Variants in CARMIL1 observed in about 807,000 individuals in gnomAD.
CARMIL1 encodes capping protein regulator and myosin 1 linker 1, also known as F-actin-uncapping protein LRRC16A.
Under a neutral mutation model 177.1 loss-of-function variants are expected in CARMIL1, and 90 were observed. That is an observed-to-expected ratio of 0.51 (90% CI 0.43 to 0.61). CARMIL1 has a LOEUF of 0.61. Ranked by LOEUF, CARMIL1 falls within the 20% of genes least tolerant of loss-of-function variation. The pLI, the probability that CARMIL1 is intolerant of heterozygous loss-of-function variation, is 0.00. For synonymous variants in CARMIL1, 577 were observed against 606.2 expected, an observed-to-expected ratio of 0.95 and a Z score of 0.71; for missense variants, 1,380 against 1,667.0, an observed-to-expected ratio of 0.83 and a Z score of 3.00.
chr6:25,337,384 AG>A (rs35459773), intron 2 of CARMIL1, among the ~76,000 whole-genome samples: 8,366 of 152,240 alleles, frequency 0.055, 256 homozygotes, highest in Middle Eastern at 0.12. Flanking sequence ...CTGTTTCTTT[AG>A]TTGTATTACG....
intron 26 of CARMIL1, among the ~76,000 whole-genome samples, chr6:25,544,830 G>A (rs956502093): frequency 1.3e-5 from 2 of 152,090 alleles, no homozygotes; most frequent in African/African-American, 2.4e-5. Flanking sequence ...GAAAGTGAGT[G>A]TATAAGTTAG....
At chr6:25,546,669 C>CAACA (rs1562272739) in intron 26 of CARMIL1, among the ~76,000 whole-genome samples, 1 of 115,484 alleles carries the variant, frequency 8.7e-6, no homozygotes, top group Non-Finnish European at 1.8e-5. Flanking sequence ...ACAACAACAA[C>CAACA]AAAAAAAAAA....
intron 3 of CARMIL1, among the ~76,000 whole-genome samples, chr6:25,423,065 C>T (rs1224838549): frequency 6.6e-6 from 1 of 152,208 alleles, no homozygotes; most frequent in Non-Finnish European, 1.5e-5. Context: ...GGCTGGTTTT[C>T]ATGTGCCACC....
In CARMIL1 at chr6:25,396,753, T is replaced by G. The variant is rs543682421; in HGVS notation, c.139-23361T>G. 3.9e-5 allele frequency among the ~76,000 whole-genome samples: 6 copies of G among 152,194 alleles called. No homozygotes were observed. The South Asian group carries it at 1.2e-3, about 32-fold the overall frequency. ...TTGCTGTCAGTAGAAAAGTACACTT[T>G]TCTACTTCTAAAACTGCCACGGAAT... On this transcript the variant is annotated intron_variant, in intron 2 of 36. Coordinates refer to ENST00000329474, the MANE Select transcript of CARMIL1 (RefSeq NM_017640.6).
intron 2 of CARMIL1, among the ~76,000 whole-genome samples, chr6:25,390,176 A>G (rs1282307921): frequency 2.0e-5 from 3 of 151,802 alleles, no homozygotes; most frequent in Non-Finnish European, 4.4e-5. Context: ...AATATATGTT[A>G]GTAAATTTGT....
intron 8 of CARMIL1, among the ~76,000 whole-genome samples, chr6:25,460,197 G>A (rs1212145114): frequency 6.6e-6 from 1 of 152,196 alleles, no homozygotes; most frequent in African/African-American, 2.4e-5. Context: ...CAGTAGGGAG[G>A]CCCATGCAAA....
chr6:25,473,094 A>AC (rs1031110402), intron 11 of CARMIL1, among the ~76,000 whole-genome samples: 2 of 151,948 alleles, frequency 1.3e-5, no homozygotes, highest in African/African-American at 2.4e-5. Flanking sequence ...TTGCCATGTG[A>AC]CCCCCCTATC....
chr6:25,410,085 GC>G (rs1167257806), intron 2 of CARMIL1, among the ~76,000 whole-genome samples: 2 of 72,492 alleles, frequency 2.8e-5, no homozygotes, highest in Non-Finnish European at 6.1e-5. Flanking sequence ...AACCCCCCCC[GC>G]CCCCCGCCGC....
rs369621888 is a variant in CARMIL1, at chr6:25,426,470, C to T, written c.190-31C>T. The T allele has an allele frequency of 1.2e-3, 1,863 of 1,522,602 alleles. 3 individuals are homozygous for T. The highest frequency in any genetic ancestry group is 1.6e-3 in the Non-Finnish European group (1,796 of 1,112,900). The allele number at this position is 1,522,602 out of a possible 1,614,324, so 94.3% of individuals were successfully genotyped here. On this transcript the variant is annotated intron_variant, in intron 3 of 36. Coordinates refer to ENST00000329474, the MANE Select transcript of CARMIL1 (RefSeq NM_017640.6). ...TTTTTTTAAAACCCTCATTGCAGGT[C>T]TTTTCTTTCCTCCTTTCCCCTCAAT...
chr6:25,594,269 G>T, intron 31 of CARMIL1, 146 bp from the exon 32 acceptor site: 1 of 555,738 alleles, frequency 1.8e-6, no homozygotes, highest in Non-Finnish European at 3.2e-6. Flanking sequence ...TGTACATATG[G>T]CTTCTATTCC....
In CARMIL1 at chr6:25,606,089, G is replaced by A. The variant is rs1260985077; in HGVS notation, c.3663G>A (p.Glu1221=). The A allele has an allele frequency of 6.2e-7, 1 of 1,613,802 alleles. No individual in the cohort carries two copies. The change falls in exon 35 of 37, where the codon GAG becomes GAA. Residue 1221 remains glutamate (E), a synonymous_variant. Transcript: ENST00000329474. ...CTAAACTGCACCCAGGTCTTCCAGA[G>A]AACCGCTTTGGTTTGGGAACACCAG... The part of the protein sequence containing the change: ...AVPKLHPGLP[E]NRFGLGTPEK...
chr6:25,319,089 G>T (rs1353834833), intron 2 of CARMIL1, among the ~76,000 whole-genome samples: 1 of 152,134 alleles, frequency 6.6e-6, no homozygotes, highest in African/African-American at 2.4e-5. Flanking sequence ...AGGAGCTGCC[G>T]TGTTTAAAAT....
At chr6:25,417,587 C>G (rs768705509) in intron 2 of CARMIL1, among the ~76,000 whole-genome samples, 7 of 152,202 alleles carry the variant, frequency 4.6e-5, no homozygotes, top group African/African-American at 7.2e-5. Context: ...CTGCCCTGGG[C>G]TATCCCTTCC....
intron 26 of CARMIL1, 136 bp downstream of exon 26, chr6:25,540,214 T>C (rs1199905717): frequency 1.2e-6 from 1 of 801,874 alleles, no homozygotes; most frequent in Admixed American, 4.2e-5. Flanking sequence ...AATTGAATAC[T>C]GTGTCTTTTC....
chr6:25,338,367 A>G (rs77220091), intron 2 of CARMIL1, among the ~76,000 whole-genome samples: 9,389 of 152,268 alleles, frequency 0.062, 386 homozygotes, highest in South Asian at 0.17. Context: ...TCCACTTGCT[A>G]TGAGAGTGTG....
At chr6:25,521,550 A>G (rs1806557060) in intron 23 of CARMIL1, among the ~76,000 whole-genome samples, 1 of 152,240 alleles carries the variant, frequency 6.6e-6, no homozygotes, top group South Asian at 2.1e-4. Context: ...CAGGCGGATC[A>G]TGAGGTCAGG....
chr6:25,361,135 A>G (rs755216466), intron 2 of CARMIL1, among the ~76,000 whole-genome samples: 24 of 152,206 alleles, frequency 1.6e-4, no homozygotes, highest in Middle Eastern at 3.2e-3. Context: ...TATATAATTG[A>G]GCAGATTTTG....
At chr6:25,399,167 C>A (rs1414080539) in intron 2 of CARMIL1, among the ~76,000 whole-genome samples, 4 of 152,208 alleles carry the variant, frequency 2.6e-5, no homozygotes, top group Admixed American at 6.5e-5. Context: ...ATCCAGGATG[C>A]ACAGCCTTTT....
chr6:25,313,506 G>T (rs1279284915), intron 2 of CARMIL1, among the ~76,000 whole-genome samples: 2 of 151,982 alleles, frequency 1.3e-5, no homozygotes, highest in African/African-American at 4.8e-5. Flanking sequence ...GCAGAAAGAT[G>T]GGGGGATGAG....
Sources: gnomAD v4.1 joint callset for allele counts (sites outside exome capture counted in the v4.1 genomes callset) on GRCh38, gnomAD v4.1.1 for gene constraint, MANE v1.5 for transcripts, NCBI Gene and HGNC (gene_info 2026-07-23, HGNC 2026-07-21) for gene names.